HPF1: variants seen among roughly 807,000 people sequenced by gnomAD.
HPF1 encodes the protein histone PARylation factor 1.
Under a neutral mutation model 38.8 loss-of-function variants are expected in HPF1, and 35 were observed. The ratio of observed to expected loss-of-function variants is 0.90; its 90% CI spans 0.69 to 1.19. The LOEUF (loss-of-function observed/expected upper bound fraction) is 1.19, where lower values mean the gene tolerates loss of function less well. Ranked by LOEUF, HPF1 falls within the 50% of genes most tolerant of loss-of-function variation. The pLI, the probability that HPF1 is intolerant of heterozygous loss-of-function variation, is 0.00. For synonymous variants in HPF1, 115 were observed against 139.2 expected, an observed-to-expected ratio of 0.83 and a Z score of 1.22; for missense variants, 367 against 405.8, an observed-to-expected ratio of 0.90 and a Z score of 0.82.
chr4:169,732,281 C>A (rs1173221227), intron 6 of HPF1, among the ~76,000 whole-genome samples: 1 of 151,958 alleles, frequency 6.6e-6, no homozygotes, highest in African/African-American at 2.4e-5. Flanking sequence ...GCTGGCACTA[C>A]AGGCACATGC....
chr4:169,732,045 G>T, intron 6 of HPF1, 169 bp from the exon 7 acceptor site: 2 of 498,870 alleles, frequency 4.0e-6, no homozygotes, highest in South Asian at 3.3e-5. Context: ...ATGGCAATTT[G>T]GTAACTTTTC....
At chr4:169,751,190 G>C (rs1734114362) in intron 2 of HPF1, among the ~76,000 whole-genome samples, 1 of 152,130 alleles carries the variant, frequency 6.6e-6, no homozygotes, top group African/African-American at 2.4e-5. Context: ...CTGATCACCT[G>C]AGGTCAGGAG....
At position 169,750,546 on chromosome 4, in the gene HPF1, C is replaced by T; in HGVS notation, c.388G>A (p.Gly130Arg). The change falls in exon 3 of 8, where the codon GGG (glycine) becomes AGG (arginine). Residue 130 changes from glycine to arginine, a missense_variant. Gly to Arg is a moderately radical substitution (Grantham distance 125). Coordinates refer to ENST00000393381, the MANE Select transcript of HPF1 (RefSeq NM_017867.3). ...IGDNKTQYHM[G>R]YFRDSPDEFP... ...GAAAAGATCCTTTACCTGAAATACC[C>T]CATGTGGTACTGAGTTTTATTATCT... 5 of 1,598,310 alleles carry T rather than the reference C, an allele frequency of 3.1e-6. No individual in the cohort carries two copies. The highest frequency in any genetic ancestry group is 4.3e-6 in the Non-Finnish European group (5 of 1,172,430).
At chr4:169,745,598 T>G (rs1245168107) in intron 4 of HPF1, among the ~76,000 whole-genome samples, 1 of 152,232 alleles carries the variant, frequency 6.6e-6, no homozygotes, top group Non-Finnish European at 1.5e-5. Flanking sequence ...ATGCTTTCTA[T>G]GTATTTCCTA....
At chr4:169,739,015 G>A (rs538077096) in intron 5 of HPF1, among the ~76,000 whole-genome samples, 26 of 152,248 alleles carry the variant, frequency 1.7e-4, no homozygotes, top group African/African-American at 3.9e-4. Context: ...GGGAGGGATA[G>A]CATTAGGAGA....
In HPF1 at chr4:169,750,801, C is replaced by T. The variant is rs1734108749; in HGVS notation, c.209-76G>A. On this transcript the variant is annotated intron_variant, in intron 2 of 7. Coordinates refer to ENST00000393381, the MANE Select transcript of HPF1 (RefSeq NM_017867.3). ...AATGCTTTTATTTAGTAAACTATTT[C>T]TAAGCAATTGTCTTTAAAAAGTTTC... The T allele has an allele frequency of 3.6e-6, 4 of 1,106,234 alleles. No individual in the cohort carries two copies. The South Asian group carries it at 5.4e-5, about 15-fold the overall frequency. 68.5% of individuals were successfully genotyped at this position (1,106,234 alleles called of 1,614,324 possible).
In HPF1 at chr4:169,731,787, T is replaced by C. The variant is rs753804179; in HGVS notation, c.826A>G (p.Thr276Ala). The C allele has an allele frequency of 7.5e-6, 12 of 1,606,808 alleles. No individual in the cohort carries two copies. The highest frequency in any genetic ancestry group is 9.3e-6 in the Non-Finnish European group (11 of 1,178,024). The change falls in exon 7 of 8, where the codon ACT (threonine) becomes GCT (alanine). Residue 276 changes from threonine (T) to alanine (A), a missense_variant. Physicochemically the swap from Thr to Ala is moderately conservative, Grantham distance 58 (BLOSUM62 0). Transcript: ENST00000393381. ...KAFAPIQEMM[T>A]FVQFANDECD... ...TCATCATTAGCAAACTGCACAAAAG[T>C]CATCATTTCCTGAATGGGAGCAAAA...
At chr4:169,733,383 C>T (rs1369006603) in intron 6 of HPF1, among the ~76,000 whole-genome samples, 1 of 152,168 alleles carries the variant, frequency 6.6e-6, no homozygotes, top group East Asian at 1.9e-4. Context: ...AATTGTATGT[C>T]CTTTTTAACA....
chr4:169,748,087 C>A (rs565409994), intron 4 of HPF1, among the ~76,000 whole-genome samples: 2 of 152,322 alleles, frequency 1.3e-5, no homozygotes, highest in East Asian at 3.9e-4. Flanking sequence ...TCAACCCTTC[C>A]AAGGATATAA....
At chr4:169,754,818 C>A (rs1486066349) in intron 1 of HPF1, among the ~76,000 whole-genome samples, 1 of 152,120 alleles carries the variant, frequency 6.6e-6, no homozygotes, top group African/African-American at 2.4e-5. Flanking sequence ...TCCTATAATG[C>A]CCAGGATAGG....
intron 1 of HPF1, among the ~76,000 whole-genome samples, chr4:169,756,518 G>T (rs1435842743): frequency 2.0e-5 from 3 of 152,190 alleles, no homozygotes; most frequent in Admixed American, 2.0e-4. Flanking sequence ...ATAATAGTTA[G>T]GTTGCCTGGG....
intron 4 of HPF1, among the ~76,000 whole-genome samples, chr4:169,743,704 G>A (rs896009352): frequency 2.0e-4 from 30 of 152,186 alleles, no homozygotes; most frequent in African/African-American, 2.6e-4. Flanking sequence ...AAAATGAAGA[G>A]CGGCAAGAGT....
chr4:169,730,977 T>A (rs943700964), intron 7 of HPF1, among the ~76,000 whole-genome samples: 4 of 152,242 alleles, frequency 2.6e-5, no homozygotes, highest in Non-Finnish European at 5.9e-5. Flanking sequence ...AATTAAATGA[T>A]CTGCGTGTGG....
At chr4:169,752,648 G>A (rs973942775) in intron 2 of HPF1, among the ~76,000 whole-genome samples, 1 of 151,986 alleles carries the variant, frequency 6.6e-6, no homozygotes, top group African/African-American at 2.4e-5. Flanking sequence ...CATATTTCAG[G>A]CATGATAGTT....
At chr4:169,735,097 G>T (rs1158027922) in intron 6 of HPF1, among the ~76,000 whole-genome samples, 2 of 150,102 alleles carry the variant, frequency 1.3e-5, no homozygotes, top group African/African-American at 4.9e-5. Context: ...ATTGCACTCC[G>T]GCCTGGGTGA....
chr4:169,735,806 C>G (rs1004626616), intron 6 of HPF1, among the ~76,000 whole-genome samples: 6 of 151,800 alleles, frequency 4.0e-5, no homozygotes, highest in Non-Finnish European at 8.8e-5. Context: ...CCATCAGAGA[C>G]TAATTGACTC....
chr4:169,732,029 T>C (rs1733836626), intron 6 of HPF1, 153 bp from the exon 7 acceptor site: 1 of 537,354 alleles, frequency 1.9e-6, no homozygotes. Context: ...AGCACTCTAA[T>C]TTAGAATGGC....
At chr4:169,734,084 T>C (rs1733864253) in intron 6 of HPF1, among the ~76,000 whole-genome samples, 1 of 152,200 alleles carries the variant, frequency 6.6e-6, no homozygotes, top group Non-Finnish European at 1.5e-5. Flanking sequence ...ATTGAACGAA[T>C]GGCAAACTGC....
intron 2 of HPF1, among the ~76,000 whole-genome samples, chr4:169,752,318 C>T (rs746455093): frequency 6.6e-6 from 1 of 151,748 alleles, no homozygotes; most frequent in Non-Finnish European, 1.5e-5. Context: ...TACAGGCACC[C>T]GCCACCACGC....
Sources: allele counts gnomAD v4.1 joint callset (sites outside exome capture counted in the v4.1 genomes callset), GRCh38; gene constraint gnomAD v4.1.1; transcripts MANE v1.5; gene names NCBI Gene and HGNC (gene_info 2026-07-23, HGNC 2026-07-21).